Variants in ABCC9 observed in about 807,000 individuals in gnomAD.
The protein encoded by ABCC9 is ATP binding cassette subfamily C member 9.
ABCC9 carries 95 observed loss-of-function variants against 188.3 expected under a neutral mutation model. The observed-to-expected ratio is 0.50, with a 90% confidence interval of 0.43 to 0.60. The LOEUF (loss-of-function observed/expected upper bound fraction) is 0.60, where lower values mean the gene tolerates loss of function less well. ABCC9 is among the 20% of genes least tolerant of loss of function. The pLI, the probability that ABCC9 is intolerant of heterozygous loss-of-function variation, is 0.00. For synonymous variants in ABCC9, 659 were observed against 652.7 expected (o/e 1.01, Z -0.15); for missense variants, 1,102 against 1,876.3 (o/e 0.59, Z 7.62).
rs1308868546 is a variant in ABCC9, at chr12:21,915,496, G to GTATATATA, written c.816+171_816+172insTATATATA. On this transcript the variant is annotated intron_variant, in intron 7 of 39. Coordinates refer to ENST00000261200, the MANE Select transcript of ABCC9 (RefSeq NM_020297.4). ...TGTATATATGTGTGTGTGTGTGTGT[G>GTATATATA]TGTGTATATATATATATATTTTTTT... Among the ~76,000 whole-genome samples, 26 of 5,436 alleles carry GTATATATA rather than the reference G, an allele frequency of 4.8e-3. 8 individuals are homozygous for GTATATATA. Among genetic ancestry groups the GTATATATA allele is most frequent in the Admixed American group, 0.012 (3 of 256 alleles). The allele number at this position is 5,436 out of a possible 152,430, so 3.6% of individuals were successfully genotyped here.
intron 17 of ABCC9, among the ~76,000 whole-genome samples, chr12:21,875,196 G>A (rs1478030135): frequency 2.6e-5 from 4 of 152,134 alleles, no homozygotes; most frequent in African/African-American, 7.2e-5. Context: ...CAAAATGTAA[G>A]CATTAAATAT....
chr12:21,884,675 T>G (rs747962181), intron 15 of ABCC9, among the ~76,000 whole-genome samples: 1 of 152,194 alleles, frequency 6.6e-6, no homozygotes. Flanking sequence ...AGTACATTGC[T>G]AGGCTACATG....
intron 36 of ABCC9, among the ~76,000 whole-genome samples, chr12:21,811,147 T>G (rs1310375427): frequency 6.6e-6 from 1 of 152,058 alleles, no homozygotes; most frequent in South Asian, 2.1e-4. Flanking sequence ...TTTTATGAGA[T>G]TCGATGGTTT....
intron 15 of ABCC9, among the ~76,000 whole-genome samples, chr12:21,883,454 C>T (rs963303328): frequency 2.6e-5 from 4 of 152,206 alleles, no homozygotes; most frequent in African/African-American, 9.6e-5. Flanking sequence ...TCTCCTTTGC[C>T]TTCCACCATG....
At chr12:21,840,200 T>A (rs927642869) in intron 29 of ABCC9, among the ~76,000 whole-genome samples, 1 of 152,202 alleles carries the variant, frequency 6.6e-6, no homozygotes, top group African/African-American at 2.4e-5. Flanking sequence ...TTCCTGTAGC[T>A]AGTTTCCCAC....
At chr12:21,803,432 C>T (rs948780174) in intron 39 of ABCC9, among the ~76,000 whole-genome samples, 12 of 151,836 alleles carry the variant, frequency 7.9e-5, no homozygotes, top group Middle Eastern at 3.4e-3. Context: ...GCGAGGCGGG[C>T]GGATCACAAG....
intron 16 of ABCC9, among the ~76,000 whole-genome samples, chr12:21,877,368 C>T (rs1415736731): frequency 6.6e-6 from 1 of 151,956 alleles, no homozygotes; most frequent in African/African-American, 2.4e-5. Flanking sequence ...TACTGAATGT[C>T]AATGAAAGCA....
At chr12:21,814,288 A>G (rs1425347245) in intron 35 of ABCC9, among the ~76,000 whole-genome samples, 2 of 152,186 alleles carry the variant, frequency 1.3e-5, no homozygotes, top group Non-Finnish European at 2.9e-5. Context: ...TTGGAAAGAG[A>G]CATACATTTA....
At chr12:21,917,978 A>C (rs1019937194) in intron 5 of ABCC9, among the ~76,000 whole-genome samples, 1 of 152,106 alleles carries the variant, frequency 6.6e-6, no homozygotes, top group African/African-American at 2.4e-5. Context: ...TTGGCATATG[A>C]ACTCAATGTG....
chr12:21,820,661 A>G (rs919392672), intron 31 of ABCC9, among the ~76,000 whole-genome samples: 4 of 151,952 alleles, frequency 2.6e-5, no homozygotes, highest in African/African-American at 7.2e-5. Flanking sequence ...CCTTTTTCCT[A>G]TTCTTGGGAA....
At chr12:21,910,060 C>G in intron 10 of ABCC9, 97 bp downstream of exon 10, 1 of 1,217,434 alleles carries the variant, frequency 8.2e-7, no homozygotes, top group South Asian at 1.3e-5. Flanking sequence ...TTTGCACATT[C>G]AAAAACTATA....
At chr12:21,912,778 T>C in intron 8 of ABCC9, 94 bp downstream of exon 8, 1 of 1,305,384 alleles carries the variant, frequency 7.7e-7, no homozygotes, top group South Asian at 1.3e-5. Flanking sequence ...AAAAAGCCTA[T>C]TTGAACAACT....
intron 10 of ABCC9, among the ~76,000 whole-genome samples, chr12:21,909,365 T>G (rs1469321056): frequency 6.6e-6 from 1 of 151,938 alleles, no homozygotes; most frequent in East Asian, 1.9e-4. Context: ...CTTGAATAAA[T>G]GTGGGACACA....
chr12:21,870,879 T>G (rs912750912), intron 18 of ABCC9, among the ~76,000 whole-genome samples: 1 of 152,200 alleles, frequency 6.6e-6, no homozygotes, highest in African/African-American at 2.4e-5. Context: ...AAATAGGTTA[T>G]AAAGAATATT....
chr12:21,801,322 C>A, intron 39 of ABCC9, 141 bp from the exon 40 acceptor site: 1 of 1,055,758 alleles, frequency 9.5e-7, no homozygotes, highest in Non-Finnish European at 1.4e-6. Context: ...CAGACACCTC[C>A]CCTTTTTTCC....
At chr12:21,900,480 C>T (rs1947682212) in intron 12 of ABCC9, among the ~76,000 whole-genome samples, 1 of 152,184 alleles carries the variant, frequency 6.6e-6, no homozygotes, top group South Asian at 2.1e-4. Context: ...GACGAGTTGA[C>T]AGAAGAAGGC....
chr12:21,852,025 A>G, intron 24 of ABCC9, 72 bp downstream of exon 24: 2 of 1,568,752 alleles, frequency 1.3e-6, no homozygotes, highest in Non-Finnish European at 1.7e-6. Context: ...TTTAAAAAGC[A>G]TTCTTAGTAA....
intron 22 of ABCC9, among the ~76,000 whole-genome samples, chr12:21,857,155 G>T (rs544476212): frequency 6.6e-6 from 1 of 152,244 alleles, no homozygotes; most frequent in Non-Finnish European, 1.5e-5. Flanking sequence ...AAGATCATAA[G>T]ACCCAAGAGT....
At chr12:21,895,848 T>A (rs1320064348) in intron 12 of ABCC9, among the ~76,000 whole-genome samples, 2 of 152,160 alleles carry the variant, frequency 1.3e-5, no homozygotes, top group Non-Finnish European at 2.9e-5. Flanking sequence ...CTGGAATATA[T>A]TTAACTGTCA....
Sources: allele counts gnomAD v4.1 joint callset (sites outside exome capture counted in the v4.1 genomes callset), GRCh38; gene constraint gnomAD v4.1.1; transcripts MANE v1.5; gene names NCBI Gene and HGNC (gene_info 2026-07-23, HGNC 2026-07-21).